The following FMN2 variants were observed in gnomAD, a reference collection of about 807,000 sequenced individuals.
FMN2 encodes the protein formin 2.
Under a neutral mutation model 142.3 loss-of-function variants are expected in FMN2, and 51 were observed. The observed-to-expected ratio is 0.36, with a 90% CI of 0.29 to 0.45. FMN2 has a LOEUF of 0.45. Among genes scored for constraint, FMN2 ranks in the 20% least tolerant of loss-of-function variants. FMN2 has a pLI of 1.00. For missense variants in FMN2, 1,936 were observed against 2,122.8 expected, an observed-to-expected ratio of 0.91 and a Z score of 1.73; for synonymous variants, 882 against 869.8, an observed-to-expected ratio of 1.01 and a Z score of -0.25.
chr1:240,148,452 GAAAGAGAGAGAGACAGGGAGAGAAAGAA>G (rs1461202471), intron 2 of FMN2, among the ~76,000 whole-genome samples: 2 of 113,968 alleles, frequency 1.8e-5, no homozygotes, highest in African/African-American at 5.4e-5. Flanking sequence ...CAGAGAGAGA[GAAAGAGAGAGAGACAGGGAGAGAAAGAA>G]AAAGAGAGAG....
At chr1:240,096,013 T>C (rs1661184406) in intron 1 of FMN2, among the ~76,000 whole-genome samples, 1 of 152,192 alleles carries the variant, frequency 6.6e-6, no homozygotes, top group South Asian at 2.1e-4. Flanking sequence ...TATGTTTATG[T>C]CATTCACTCA....
chr1:240,237,625 G>T (rs1159156970), intron 6 of FMN2, among the ~76,000 whole-genome samples: 1 of 152,110 alleles, frequency 6.6e-6, no homozygotes, highest in African/African-American at 2.4e-5. Context: ...GTGACAGAAG[G>T]GAATTTCATT....
At chr1:240,098,649 T>C (rs1435918514) in intron 1 of FMN2, among the ~76,000 whole-genome samples, 2 of 152,180 alleles carry the variant, frequency 1.3e-5, no homozygotes, top group Admixed American at 6.5e-5. Context: ...GGGTTCCATA[T>C]ATCAGAGAAG....
chr1:240,270,368 C>T (rs1237133522), intron 7 of FMN2, among the ~76,000 whole-genome samples: 1 of 152,068 alleles, frequency 6.6e-6, no homozygotes, highest in Non-Finnish European at 1.5e-5. Context: ...TCCACATCAT[C>T]CAGCAATTTC....
At chr1:240,372,272 A>G (rs1223438782) in intron 14 of FMN2, among the ~76,000 whole-genome samples, 1 of 152,174 alleles carries the variant, frequency 6.6e-6, no homozygotes, top group African/African-American at 2.4e-5. Context: ...CATCTAACTC[A>G]TATGGCAAAT....
At chr1:240,313,042 A>G (rs1670647178) in intron 8 of FMN2, among the ~76,000 whole-genome samples, 1 of 152,214 alleles carries the variant, frequency 6.6e-6, no homozygotes, top group South Asian at 2.1e-4. Flanking sequence ...GGCTCAATAC[A>G]GAAATTAATC....
intron 15 of FMN2, among the ~76,000 whole-genome samples, chr1:240,406,593 C>T (rs1572274767): frequency 6.6e-6 from 1 of 152,092 alleles, no homozygotes; most frequent in Non-Finnish European, 1.5e-5. Flanking sequence ...TGGAACGGTG[C>T]GTGGCTAGAG....
chr1:240,153,231 G>C (rs933358958), intron 2 of FMN2, among the ~76,000 whole-genome samples: 2 of 152,228 alleles, frequency 1.3e-5, no homozygotes, highest in African/African-American at 2.4e-5. Flanking sequence ...GCAATGCCCA[G>C]CATAGAACGA....
chr1:240,441,947 CAGAG>C (rs879696916), intron 16 of FMN2, among the ~76,000 whole-genome samples: 6 of 151,384 alleles, frequency 4.0e-5, no homozygotes, highest in South Asian at 2.1e-4. Context: ...AAGAGAGAGA[CAGAG>C]AGAGAGAGAG....
intron 4 of FMN2, among the ~76,000 whole-genome samples, chr1:240,199,000 G>T (rs1461413236): frequency 6.6e-6 from 1 of 152,166 alleles, no homozygotes; most frequent in African/African-American, 2.4e-5. Flanking sequence ...AGCTACTCGG[G>T]AGGCTGATGA....
intron 2 of FMN2, among the ~76,000 whole-genome samples, chr1:240,126,256 A>G (rs1202049252): frequency 1.3e-5 from 2 of 152,148 alleles, no homozygotes; most frequent in Non-Finnish European, 2.9e-5. Flanking sequence ...TGATTTCCAG[A>G]AAATGGCTGT....
chr1:240,243,216 C>T (rs1667971434), intron 6 of FMN2, among the ~76,000 whole-genome samples: 1 of 152,054 alleles, frequency 6.6e-6, no homozygotes, highest in South Asian at 2.1e-4. Context: ...TGAGTGTAGA[C>T]TAGTTAAGAT....
intron 6 of FMN2, among the ~76,000 whole-genome samples, chr1:240,243,997 C>T (rs1667996730): frequency 6.6e-6 from 1 of 152,098 alleles, no homozygotes; most frequent in Non-Finnish European, 1.5e-5. Context: ...CTGGATATAC[C>T]ACCTTGTGCT....
rs56686860 is a variant in FMN2 at position 240,271,098 on chromosome 1, G to GTTTTTTTTTTTT, written c.4153+13074_4153+13085dup. On this transcript the variant is annotated intron_variant, in intron 7 of 17. Transcript: ENST00000319653. ...ACCCCCCTAGGAACTTTCCACGATG[G>GTTTTTTTTTTTT]TTTTTTTTTTTTTTTTTTTGTGACT... Among the ~76,000 whole-genome samples the GTTTTTTTTTTTT allele has an allele frequency of 1.1e-3, 77 of 72,220 alleles. 6 individuals carry two copies. The highest frequency in any genetic ancestry group is 4.2e-3 in the African/African-American group (63 of 15,102). 47.4% of individuals were successfully genotyped at this position (72,220 alleles called of 152,430 possible).
chr1:240,309,841 A>AGGGTTGAG (rs1451392545), intron 8 of FMN2, among the ~76,000 whole-genome samples: 1 of 152,022 alleles, frequency 6.6e-6, no homozygotes, highest in Non-Finnish European at 1.5e-5. Flanking sequence ...GATGGTAGGG[A>AGGGTTGAG]GGGTTGAGGT....
chr1:240,409,291 A>G (rs1252743064), intron 15 of FMN2, among the ~76,000 whole-genome samples: 1 of 151,978 alleles, frequency 6.6e-6, no homozygotes, highest in Non-Finnish European at 1.5e-5. Flanking sequence ...GCAGGCGTAC[A>G]CCACCACGCC....
At position 240,092,268 on chromosome 1, in the gene FMN2, G is replaced by GGGCGGC. The variant is rs71929261; in HGVS notation, c.171_176dup (p.Gly58_Gly59dup). Reference sequence around the variant, plus strand: ...TAGGCAAGCACGGCAAGGGGGGAGGGGGCGGCGGCGGCGGCGGGGAGTCGG... The same window carrying GGGCGGC: ...TAGGCAAGCACGGCAAGGGGGGAGGGGGCGGCGGCGGCGGCGGCGGCGGGGAGTCGG... On this transcript the variant is annotated inframe_insertion, in exon 1 of 18. Transcript: ENST00000319653. The GGGCGGC allele has an allele frequency of 9.6e-6, 15 of 1,565,686 alleles. No homozygotes were observed. Among genetic ancestry groups the GGGCGGC allele is most frequent in the Non-Finnish European group, 1.2e-5 (14 of 1,156,342 alleles).
chr1:240,225,576 G>T (rs536604611), intron 6 of FMN2, among the ~76,000 whole-genome samples: 4 of 152,196 alleles, frequency 2.6e-5, no homozygotes, highest in Non-Finnish European at 5.9e-5. Context: ...AAGCTCTGGG[G>T]CAGGGAAGGG....
At chr1:240,436,871 T>A (rs1003778031) in intron 15 of FMN2, among the ~76,000 whole-genome samples, 17 of 152,204 alleles carry the variant, frequency 1.1e-4, no homozygotes, top group African/African-American at 3.6e-4. Context: ...TACTTCAGAG[T>A]AGATCAAACT....
Sources: gnomAD v4.1 joint callset for allele counts (sites outside exome capture counted in the v4.1 genomes callset) on GRCh38, gnomAD v4.1.1 for gene constraint, MANE v1.5 for transcripts, NCBI Gene and HGNC (gene_info 2026-07-23, HGNC 2026-07-21) for gene names.